MYO1B: variants seen among roughly 807,000 people sequenced by gnomAD.
MYO1B encodes myosin IB.
A neutral mutation model predicts 159.7 loss-of-function variants in MYO1B; 72 were observed. The ratio of observed to expected loss-of-function variants is 0.45; its 90% confidence interval spans 0.37 to 0.55. The LOEUF is 0.55. MYO1B is among the 20% of genes least tolerant of loss of function. The pLI, the probability that MYO1B is intolerant of heterozygous loss-of-function variation, is 0.00. For missense variants in MYO1B, 1,062 were observed against 1,364.8 expected (o/e 0.78, Z 3.50); for synonymous variants, 468 against 473.8 (o/e 0.99, Z 0.16).
intron 11 of MYO1B, among the ~76,000 whole-genome samples, chr2:191,366,383 GT>G (rs200164204): frequency 1.1e-4 from 16 of 145,838 alleles, no homozygotes; most frequent in African/African-American, 1.2e-4. Context: ...TTAGTCAACT[GT>G]TTTTTTTTTT....
At chr2:191,298,062 G>A (rs1020898325) in intron 3 of MYO1B, among the ~76,000 whole-genome samples, 1 of 152,320 alleles carries the variant, frequency 6.6e-6, no homozygotes, top group Non-Finnish European at 1.5e-5. Flanking sequence ...AATTTTGACA[G>A]AACATAAAAT....
At chr2:191,329,772 GTTTA>G (rs1176971810) in intron 3 of MYO1B, among the ~76,000 whole-genome samples, 159 bp from the exon 4 acceptor site, 2 of 151,704 alleles carry the variant, frequency 1.3e-5, no homozygotes, top group African/African-American at 2.4e-5. Context: ...CAATGGATGG[GTTTA>G]TTTATTTATG....
At chr2:191,411,799 T>C (rs1200531842) in intron 27 of MYO1B, among the ~76,000 whole-genome samples, 2 of 152,204 alleles carry the variant, frequency 1.3e-5, no homozygotes, top group Non-Finnish European at 2.9e-5. Flanking sequence ...TGGTAAAGAC[T>C]GTTTATCCCA....
chr2:191,419,682 G>A (rs1396691078), intron 30 of MYO1B, among the ~76,000 whole-genome samples: 3 of 152,066 alleles, frequency 2.0e-5, no homozygotes, highest in African/African-American at 7.2e-5. Context: ...CTTTCCAGTG[G>A]GACAAGACAT....
chr2:191,378,503 A>G (rs1332718643), intron 13 of MYO1B, among the ~76,000 whole-genome samples: 1 of 152,152 alleles, frequency 6.6e-6, no homozygotes, highest in Non-Finnish European at 1.5e-5. Flanking sequence ...AAGTACATTG[A>G]TCAGTTAGGT....
intron 3 of MYO1B, among the ~76,000 whole-genome samples, chr2:191,299,332 G>A (rs558551675): frequency 1.3e-5 from 2 of 152,236 alleles, no homozygotes; most frequent in African/African-American, 4.8e-5. Flanking sequence ...AGCACTACGT[G>A]GTGAGCAAAG....
rs1475346397 is a variant in MYO1B, at chr2:191,341,318, G to A, written c.347-143G>A. On this transcript the variant is annotated intron_variant, in intron 4 of 30. Coordinates refer to ENST00000392318, the MANE Select transcript of MYO1B (RefSeq NM_001130158.3). The stretch of plus-strand genomic sequence containing the variant: ...ATAGAAAGCACAAATATTTTAGAAA[G>A]GTATCCAAAACATTATTTACTCCTC... 1.0e-5 allele frequency: 6 copies of A among 571,968 alleles called. No homozygotes were observed. The East Asian group carries it at 1.5e-4, about 14-fold the overall frequency. 35.4% of individuals were successfully genotyped at this position (571,968 alleles called of 1,614,324 possible).
intron 13 of MYO1B, among the ~76,000 whole-genome samples, chr2:191,375,470 A>AAGATAGATGGAT (rs1694638984): frequency 1.4e-5 from 2 of 146,256 alleles, no homozygotes; most frequent in South Asian, 4.5e-4. Context: ...TGATTTGTAA[A>AAGATAGATGGAT]AGATAGATAG....
intron 21 of MYO1B, among the ~76,000 whole-genome samples, chr2:191,396,886 G>A (rs918326361): frequency 6.6e-6 from 1 of 152,072 alleles, no homozygotes; most frequent in African/African-American, 2.4e-5. Context: ...CATCTTGCAG[G>A]CTACCCATCA....
At chr2:191,371,935 A>G (rs1057118331) in intron 13 of MYO1B, among the ~76,000 whole-genome samples, 2 of 152,248 alleles carry the variant, frequency 1.3e-5, no homozygotes, top group Non-Finnish European at 2.9e-5. Context: ...TTCTTGGTAG[A>G]AAGGGAAGAA....
chr2:191,253,639 G>A (rs1686262449), intron 1 of MYO1B, among the ~76,000 whole-genome samples: 2 of 151,842 alleles, frequency 1.3e-5, no homozygotes, highest in Admixed American at 6.6e-5. Flanking sequence ...CATTCATATG[G>A]TTAAATTATT....
intron 30 of MYO1B, among the ~76,000 whole-genome samples, chr2:191,421,109 G>A (rs1574662535): frequency 6.9e-6 from 1 of 145,000 alleles, no homozygotes; most frequent in African/African-American, 2.6e-5. Flanking sequence ...TTGCTCTGTC[G>A]CCTAGGCTCG....
At chr2:191,251,675 T>G (rs1235534314) in intron 1 of MYO1B, among the ~76,000 whole-genome samples, 2 of 152,212 alleles carry the variant, frequency 1.3e-5, no homozygotes, top group African/African-American at 4.8e-5. Flanking sequence ...TTTTTAAATT[T>G]GTTTAAAAAA....
chr2:191,350,821 A>G lies in MYO1B; in HGVS notation c.562+596A>G, dbSNP rs998033113. The stretch of plus-strand genomic sequence containing the variant: ...TGTGAAAAGTTAAAAAAAAAAAACA[A>G]AAAAAACACAATCAGATGAGGTCTG... On this transcript the variant is annotated intron_variant, in intron 7 of 30. Coordinates refer to ENST00000392318, the MANE Select transcript of MYO1B (RefSeq NM_001130158.3). 2.6e-5 allele frequency among the ~76,000 whole-genome samples: 4 copies of G among 151,714 alleles called. No homozygotes were observed. In the South Asian group the frequency reaches 8.3e-4, roughly 32 times the overall value.
intron 1 of MYO1B, among the ~76,000 whole-genome samples, chr2:191,260,108 C>T (rs757079219): frequency 8.6e-5 from 13 of 151,834 alleles, no homozygotes; most frequent in Non-Finnish European, 1.0e-4. Flanking sequence ...TAAGGAGTGT[C>T]CGGAGGTGGG....
chr2:191,265,937 AG>A (rs1433390906), intron 1 of MYO1B, among the ~76,000 whole-genome samples: 1 of 150,036 alleles, frequency 6.7e-6, no homozygotes, highest in Admixed American at 6.6e-5. Context: ...TGGACCTTCT[AG>A]GGTTGTGGCA....
intron 2 of MYO1B, among the ~76,000 whole-genome samples, chr2:191,286,529 A>T (rs1431134588): frequency 6.6e-6 from 1 of 152,178 alleles, no homozygotes; most frequent in Non-Finnish European, 1.5e-5. Context: ...GAGGATTCCC[A>T]CTGGTCTGTC....
intron 2 of MYO1B, among the ~76,000 whole-genome samples, chr2:191,294,692 G>T (rs1326622957): frequency 7.8e-6 from 1 of 129,030 alleles, no homozygotes; most frequent in African/African-American, 5.0e-5. Context: ...AAAATTGCAT[G>T]GGAACTGAGA....
At chr2:191,275,960 G>T (rs1377223591) in intron 1 of MYO1B, among the ~76,000 whole-genome samples, 1 of 152,222 alleles carries the variant, frequency 6.6e-6, no homozygotes, top group Admixed American at 6.5e-5. Context: ...TTACCATTCT[G>T]CTGTTGGGTG....
Sources: allele counts gnomAD v4.1 joint callset (sites outside exome capture counted in the v4.1 genomes callset), GRCh38; gene constraint gnomAD v4.1.1; transcripts MANE v1.5; gene names NCBI Gene and HGNC (gene_info 2026-07-23, HGNC 2026-07-21).